Variants in KMT2E observed in about 807,000 individuals in gnomAD.
KMT2E encodes lysine methyltransferase 2E (inactive).
In KMT2E, 30 loss-of-function variants were observed where a neutral mutation model predicts 184.6. That is an observed-to-expected ratio of 0.16 (90% CI 0.12 to 0.22). The LOEUF is 0.22. Ranked by LOEUF, KMT2E falls within the 10% of genes least tolerant of loss-of-function variation. The probability of loss-of-function intolerance (pLI) is 1.00; values close to 1 mark genes in which losing one functional copy is unlikely to be tolerated. For synonymous variants in KMT2E, 815 were observed against 776.5 expected, an observed-to-expected ratio of 1.05 and a Z score of -0.82; for missense variants, 2,023 against 2,237.4, an observed-to-expected ratio of 0.90 and a Z score of 1.93.
In KMT2E at chr7:105,110,770, G is replaced by A; in HGVS notation, c.3971-1G>A. ...TACTATAGGTTTCTTCTGCTTTATA[G>A]ACCCTGATCCTGAAAATCCAGAACC... On this transcript the variant is annotated splice_acceptor_variant, in intron 25 of 26. Transcript: ENST00000311117. LOFTEE classifies it high-confidence loss of function. 1 of 1,612,448 alleles carries A rather than the reference G, an allele frequency of 6.2e-7. No individual in the cohort carries two copies. The highest frequency in any genetic ancestry group is 1.3e-5 in the African/African-American group (1 of 74,980).
chr7:105,027,166 T>C (rs1795209590), intron 1 of KMT2E, among the ~76,000 whole-genome samples: 2 of 146,792 alleles, frequency 1.4e-5, no homozygotes, highest in African/African-American at 5.1e-5. Flanking sequence ...GCTACAGCCT[T>C]AATCTCCCAG....
At chr7:105,066,615 A>C in intron 5 of KMT2E, 112 bp from the exon 6 acceptor site, 1 of 738,692 alleles carries the variant, frequency 1.4e-6, no homozygotes, top group East Asian at 2.7e-5. Flanking sequence ...ACCTTTTAGG[A>C]GTACTAAGCT....
intron 3 of KMT2E, chr7:105,061,841 A>G (rs1796826272): frequency 5.2e-6 from 1 of 193,690 alleles, no homozygotes; most frequent in Non-Finnish European, 1.0e-5. Context: ...TATTTCTACT[A>G]CTTCTTTGCA....
chr7:105,023,706 A>G (rs994469803), intron 1 of KMT2E, among the ~76,000 whole-genome samples: 1 of 152,106 alleles, frequency 6.6e-6, no homozygotes, highest in Non-Finnish European at 1.5e-5. Context: ...TGGCCTTCCA[A>G]AGTGCTGGGA....
intron 1 of KMT2E, among the ~76,000 whole-genome samples, chr7:105,021,845 C>A (rs1354732665): frequency 1.3e-5 from 2 of 152,186 alleles, no homozygotes; most frequent in South Asian, 4.1e-4. Flanking sequence ...AATTGCCACA[C>A]ACACATGATG....
At chr7:105,043,477 C>T (rs1795971965) in intron 3 of KMT2E, among the ~76,000 whole-genome samples, 1 of 151,908 alleles carries the variant, frequency 6.6e-6, no homozygotes, top group African/African-American at 2.4e-5. Context: ...ACCTCGTGAT[C>T]CACCCGCCTC....
chr7:105,066,681 G>C (rs773511161), intron 5 of KMT2E, 46 bp from the exon 6 acceptor site: 3 of 1,400,450 alleles, frequency 2.1e-6, no homozygotes, highest in Non-Finnish European at 3.0e-6. Context: ...TTAATTTAAG[G>C]ATGACTTAAA....
Position 105,090,109 on chromosome 7 carries a change from A to G in KMT2E, c.1459A>G (p.Thr487Ala), listed in dbSNP as rs61743286. ...SMENINSGYE[T>A]RRKKGKKDKD... Reference sequence around the variant, plus strand: ...GGAAAATATCAATAGTGGTTATGAGACCAGACGGAAAAAAGGAAAAAAAGA... The same window carrying G: ...GGAAAATATCAATAGTGGTTATGAGGCCAGACGGAAAAAAGGAAAAAAAGA... The change falls in exon 14 of 27, where the codon ACC becomes GCC. Residue 487 changes from threonine (T) to alanine (A), a missense_variant. Coordinates refer to ENST00000311117, the MANE Select transcript of KMT2E (RefSeq NM_182931.3). 6.2e-7 allele frequency: 1 copy of G among 1,613,670 alleles called. No individual in the cohort carries two copies.
At chr7:105,107,320 A>T (rs1798948998) in intron 21 of KMT2E, 42 bp from the exon 22 acceptor site, 1 of 1,525,720 alleles carries the variant, frequency 6.6e-7, no homozygotes, top group African/African-American at 1.4e-5. Flanking sequence ...CAGTCCCAAG[A>T]TGTGATTATT....
At chr7:105,107,306 T>C in intron 21 of KMT2E, 56 bp from the exon 22 acceptor site, 1 of 1,520,288 alleles carries the variant, frequency 6.6e-7, no homozygotes, top group Non-Finnish European at 8.9e-7. Flanking sequence ...AATTTTGAAA[T>C]AAACAGTCCC....
intron 20 of KMT2E, among the ~76,000 whole-genome samples, 160 bp from the exon 21 acceptor site, chr7:105,107,006 T>C (rs1285655691): frequency 6.6e-6 from 1 of 152,226 alleles, no homozygotes; most frequent in Non-Finnish European, 1.5e-5. Context: ...GTGTATCTAA[T>C]TGATCTTAAA....
intron 15 of KMT2E, among the ~76,000 whole-genome samples, chr7:105,100,061 G>A (rs959107269): frequency 2.0e-5 from 3 of 152,178 alleles, no homozygotes; most frequent in Non-Finnish European, 2.9e-5. Context: ...TCTTTTGCAT[G>A]TGCTATTGTA....
chr7:105,041,066 ACCCTTCTGGAGCT>A (rs1562885956), intron 3 of KMT2E, 43 bp downstream of exon 3: 3 of 1,156,664 alleles, frequency 2.6e-6, no homozygotes, highest in African/African-American at 1.6e-5. Flanking sequence ...AAAAAAAAAA[ACCCTTCTGGAGCT>A]AGAAAGTAGG....
At position 105,067,485 on chromosome 7, in the gene KMT2E, T is replaced by G. The variant is rs545522599; in HGVS notation, c.497+678T>G. Among the ~76,000 whole-genome samples the G allele has an allele frequency of 6.6e-5, 10 of 152,298 alleles. 1 individual carries two copies. The South Asian group carries it at 2.1e-3, about 32-fold the overall frequency. On this transcript the variant is annotated intron_variant, in intron 6 of 26. Coordinates refer to ENST00000311117, the MANE Select transcript of KMT2E (RefSeq NM_182931.3). ...TAAAATAATACATAATAAACTCACA[T>G]TTCCACCACCCTACCTCAGTAATTA...
At chr7:105,088,854 G>T (rs1056985219) in intron 13 of KMT2E, among the ~76,000 whole-genome samples, 1 of 152,150 alleles carries the variant, frequency 6.6e-6, no homozygotes, top group Non-Finnish European at 1.5e-5. Flanking sequence ...TTTGAAAGAG[G>T]GAACACTTAG....
chr7:105,018,578 T>C (rs2129563830), intron 1 of KMT2E, among the ~76,000 whole-genome samples: 1 of 152,318 alleles, frequency 6.6e-6, no homozygotes, highest in Non-Finnish European at 1.5e-5. Flanking sequence ...AATTTCATGA[T>C]AGATTATCTA....
chr7:105,105,890 A>C lies in KMT2E; in HGVS notation c.2483A>C (p.Asn828Thr), dbSNP rs750081018. 1.9e-6 allele frequency: 3 copies of C among 1,612,926 alleles called. No homozygotes were observed. Among genetic ancestry groups the C allele is most frequent in the South Asian group, 1.1e-5 (1 of 90,722 alleles). ...RWLKQALEEE[N>T]SAILHRFNSP... ...TTGAAACAAGCTCTGGAAGAAGAAA[A>C]TTCAGCAATTTTACATAGATTTAAT... The change falls in exon 19 of 27, where the codon AAT (asparagine) becomes ACT (threonine). Residue 828 changes from asparagine to threonine, a missense_variant. Transcript: ENST00000311117.
chr7:105,035,877 C>G (rs949172203), intron 1 of KMT2E, among the ~76,000 whole-genome samples: 2 of 152,038 alleles, frequency 1.3e-5, no homozygotes, highest in African/African-American at 4.8e-5. Context: ...AAATTTTAGT[C>G]TTTGAGACTG....
intron 13 of KMT2E, among the ~76,000 whole-genome samples, chr7:105,082,696 C>T (rs952944614): frequency 6.6e-6 from 1 of 152,066 alleles, no homozygotes; most frequent in Non-Finnish European, 1.5e-5. Flanking sequence ...TTTATGAAAA[C>T]ATATTAGTAA....
Sources: gnomAD v4.1 joint callset for allele counts (sites outside exome capture counted in the v4.1 genomes callset) on GRCh38, gnomAD v4.1.1 for gene constraint, MANE v1.5 for transcripts, NCBI Gene and HGNC (gene_info 2026-07-23, HGNC 2026-07-21) for gene names.